Variants in PFKFB3 observed in about 807,000 individuals in gnomAD.
PFKFB3 encodes the protein 6-phosphofructo-2-kinase/fructose-2,6-biphosphatase 3.
PFKFB3 carries 33 observed loss-of-function variants against 68.0 expected under a neutral mutation model. The observed-to-expected ratio is 0.49, with a 90% CI of 0.37 to 0.65. The LOEUF is 0.65. PFKFB3 is among the 30% of genes least tolerant of loss of function. The pLI, the probability that PFKFB3 is intolerant of heterozygous loss-of-function variation, is 0.00. For missense variants in PFKFB3, 586 were observed against 712.2 expected (o/e 0.82, Z 2.02); for synonymous variants, 315 against 288.2 (o/e 1.09, Z -0.94).
chr10:6,300,052 A>G, the PFKFB3 span, among the ~76,000 whole-genome samples: 1 of 133,926 alleles, frequency 7.5e-6, no homozygotes, highest in Non-Finnish European at 1.5e-5. Context: ...AAGATCACTT[A>G]AATTTTTTCT....
At chr10:6,167,311 G>A (rs11257057) in intron 1 of PFKFB3, among the ~76,000 whole-genome samples, 4 of 152,098 alleles carry the variant, frequency 2.6e-5, no homozygotes, top group African/African-American at 9.7e-5. Context: ...ACGCCTGTGC[G>A]GGTCTCATTC....
the PFKFB3 span, among the ~76,000 whole-genome samples, chr10:6,261,436 CAA>C: frequency 6.6e-6 from 1 of 152,156 alleles, no homozygotes. Context: ...AACAGAAAAC[CAA>C]ATACTGCATG....
At position 6,220,625 on chromosome 10, in the gene PFKFB3, T is replaced by G; in HGVS notation, c.624-33T>G. On this transcript the variant is annotated intron_variant, in intron 7 of 14. Transcript: ENST00000379775. The surrounding 1 kb of genome is among the most constrained non-coding windows in gnomAD (Gnocchi z 4.1). Reference sequence around the variant, plus strand: ...GTGCATCCTGCTGTGGGTGGTGGCCTGAGCTGTGGTTCTCGGTGGGGTCTC... The same window carrying G: ...GTGCATCCTGCTGTGGGTGGTGGCCGGAGCTGTGGTTCTCGGTGGGGTCTC... The G allele has an allele frequency of 9.4e-6, 15 of 1,599,340 alleles. No individual in the cohort carries two copies. The highest frequency in any genetic ancestry group is 1.2e-5 in the Non-Finnish European group (14 of 1,168,628).
the PFKFB3 span, among the ~76,000 whole-genome samples, chr10:6,272,737 C>T: frequency 2.6e-5 from 4 of 152,122 alleles, no homozygotes; most frequent in Non-Finnish European, 4.4e-5. Flanking sequence ...GCCCCAGCCG[C>T]GCTGTGCTTT....
intron 1 of PFKFB3, among the ~76,000 whole-genome samples, chr10:6,192,874 A>G (rs1843071933): frequency 6.6e-6 from 1 of 152,144 alleles, no homozygotes; most frequent in Admixed American, 6.6e-5. Context: ...TAGTTTTTCC[A>G]AAAGTGCTTT....
the PFKFB3 span, among the ~76,000 whole-genome samples, chr10:6,314,423 GCATATGTGTGTGATCTATCAAAAGGAAC>G: frequency 6.6e-6 from 1 of 152,202 alleles, no homozygotes; most frequent in African/African-American, 2.4e-5. Flanking sequence ...CTGTGTCTGT[GCATATGTGTGTGATCTATCAAAAGGAAC>G]CATAATACAC....
chr10:6,223,029 C>T, intron 11 of PFKFB3, 45 bp downstream of exon 11: 3 of 1,587,850 alleles, frequency 1.9e-6, no homozygotes, highest in Non-Finnish European at 2.6e-6. Context: ...GAGGAGGGGA[C>T]TGGCACTCGG....
chr10:6,321,462 C>T, the PFKFB3 span, among the ~76,000 whole-genome samples: 1 of 152,090 alleles, frequency 6.6e-6, no homozygotes, highest in Non-Finnish European at 1.5e-5. Context: ...CCTTTGTTTA[C>T]TTTTTAAACT....
chr10:6,290,992 T>C, the PFKFB3 span, among the ~76,000 whole-genome samples: 1 of 152,216 alleles, frequency 6.6e-6, no homozygotes, highest in African/African-American at 2.4e-5. Context: ...CCATTACATG[T>C]TTGTTGCATA....
the PFKFB3 span, among the ~76,000 whole-genome samples, chr10:6,283,963 C>A: frequency 3.3e-5 from 5 of 152,148 alleles, no homozygotes; most frequent in African/African-American, 1.2e-4. Context: ...TTATAAAACC[C>A]ATTGCAGCCC....
chr10:6,162,958 A>C (rs1245960516), intron 1 of PFKFB3, among the ~76,000 whole-genome samples: 1 of 152,192 alleles, frequency 6.6e-6, no homozygotes, highest in Non-Finnish European at 1.5e-5. Context: ...TGGAGCTGGG[A>C]AACATTTTAA....
chr10:6,228,178 T>G lies in PFKFB3; in HGVS notation c.1515+1813T>G. On this transcript the variant is annotated intron_variant, in intron 14 of 14. Transcript: ENST00000379775. This position sits in a 1 kb window ranked among gnomAD's most constrained non-coding sequence, Gnocchi z 4.5. ...CCCTGCCTCCTGACTGACTTCTCTC[T>G]CTGCTTCTCCTCCGCAGCCTTTGCT... 6.2e-7 allele frequency: 1 copy of G among 1,612,814 alleles called. No homozygotes were observed. Among genetic ancestry groups the G allele is most frequent in the Non-Finnish European group, 8.5e-7 (1 of 1,179,872 alleles).
chr10:6,310,374 A>G, the PFKFB3 span, among the ~76,000 whole-genome samples: 3 of 152,132 alleles, frequency 2.0e-5, no homozygotes, highest in Non-Finnish European at 4.4e-5. Flanking sequence ...AAGGTGGGAA[A>G]TGGTGTCCCT....
At chr10:6,324,531 G>T in the PFKFB3 span, among the ~76,000 whole-genome samples, 2 of 151,836 alleles carry the variant, frequency 1.3e-5, no homozygotes, top group Non-Finnish European at 2.9e-5. Flanking sequence ...GGTTTGGGTG[G>T]TTTGCCTGCC....
chr10:6,210,665 A>G (rs1404399610), intron 1 of PFKFB3, among the ~76,000 whole-genome samples: 5 of 14 alleles, frequency 0.36, no homozygotes, highest in East Asian at 0.5. Flanking sequence ...TCGCCATGTT[A>G]GCCAGGATAG....
intron 1 of PFKFB3, among the ~76,000 whole-genome samples, chr10:6,183,891 C>G (rs894884579): frequency 1.3e-5 from 2 of 151,244 alleles, no homozygotes. Flanking sequence ...GGGGTTTCAC[C>G]GTGTTAGCCA....
the PFKFB3 span, among the ~76,000 whole-genome samples, chr10:6,268,620 G>A: frequency 2.0e-5 from 3 of 149,922 alleles, no homozygotes; most frequent in South Asian, 2.1e-4. Context: ...ATGATACTCC[G>A]TCTCCAAATA....
intron 1 of PFKFB3, among the ~76,000 whole-genome samples, chr10:6,156,700 C>A (rs1312044136): frequency 2.0e-5 from 3 of 150,384 alleles, no homozygotes; most frequent in East Asian, 4.1e-4. Context: ...GTTGGCCAGG[C>A]TGGTCTCGAA....
At chr10:6,231,646 C>T (rs1845749757) in intron 14 of PFKFB3, 2 of 949,004 alleles carry the variant, frequency 2.1e-6, no homozygotes, top group Admixed American at 1.2e-4. Context: ...AATGTCAGCC[C>T]TGCTCTGTGA....
Sources: allele counts gnomAD v4.1 joint callset (sites outside exome capture counted in the v4.1 genomes callset), GRCh38; gene constraint gnomAD v4.1.1; non-coding constraint Gnocchi (gnomAD v3.1); transcripts MANE v1.5; gene names NCBI Gene and HGNC (gene_info 2026-07-23, HGNC 2026-07-21).